The following TENM3 variants were observed in gnomAD, a reference collection of about 807,000 sequenced individuals.
TENM3 encodes teneurin-3.
In TENM3, 63 loss-of-function variants were observed where a neutral mutation model predicts 255.1. The ratio of observed to expected loss-of-function variants is 0.25; its 90% CI spans 0.20 to 0.30. TENM3 has a LOEUF of 0.30. Among genes scored for constraint, TENM3 ranks in the 10% least tolerant of loss-of-function variants. The probability of loss-of-function intolerance (pLI) is 1.00; values close to 1 mark genes in which losing one functional copy is unlikely to be tolerated. For synonymous variants in TENM3, 1,306 were observed against 1,322.3 expected (o/e 0.99, Z 0.27); for missense variants, 2,929 against 3,461.1 (o/e 0.85, Z 3.86).
the TENM3 span, among the ~76,000 whole-genome samples, chr4:181,981,110 A>G: frequency 2.6e-5 from 4 of 152,140 alleles, no homozygotes; most frequent in East Asian, 3.9e-4. Context: ...AACACTTTTA[A>G]TGTTCTCTTC....
At chr4:181,785,961 T>G in the TENM3 span, among the ~76,000 whole-genome samples, 2 of 152,112 alleles carry the variant, frequency 1.3e-5, no homozygotes, top group Non-Finnish European at 2.9e-5. Context: ...AATGAAACAA[T>G]GCCTGAATAT....
rs560482174 is a variant in TENM3 at position 182,182,417 on chromosome 4, T to C, written c.-76+37663T>C. Reference sequence around the variant, plus strand: ...TCAGGGTGATGAGGCACAGAAAATATGAAGGCAAGGATTTCTTGGTATCAG... The same window carrying C: ...TCAGGGTGATGAGGCACAGAAAATACGAAGGCAAGGATTTCTTGGTATCAG... On this transcript the variant is annotated intron_variant, in intron 1 of 2. Transcript: ENST00000512480. Among the ~76,000 whole-genome samples, 8 of 152,298 alleles carry C rather than the reference T, an allele frequency of 5.3e-5. No homozygotes were observed. In the East Asian group the frequency reaches 1.3e-3, roughly 26 times the overall value.
At chr4:181,592,193 A>C in the TENM3 span, among the ~76,000 whole-genome samples, 2 of 150,492 alleles carry the variant, frequency 1.3e-5, no homozygotes, top group African/African-American at 4.9e-5. Flanking sequence ...TGCCGATTAT[A>C]TGCTTTTAAA....
rs1766859979 is a variant in TENM3 at position 182,800,391 on chromosome 4, A to G, written c.*40A>G. 3.3e-6 allele frequency: 5 copies of G among 1,520,708 alleles called. No individual in the cohort carries two copies. Among genetic ancestry groups the G allele is most frequent in the African/African-American group, 2.8e-5 (2 of 72,230 alleles). The allele number at this position is 1,520,708 out of a possible 1,614,324, so 94.2% of individuals were successfully genotyped here. ...CCGCCGAGCCGCTCACGCCCTGCCCACATTGTCCTGTGGCACAACCCGAGT... is the reference window on the plus strand; with the variant it reads ...CCGCCGAGCCGCTCACGCCCTGCCCGCATTGTCCTGTGGCACAACCCGAGT... On this transcript the variant is annotated 3_prime_UTR_variant, in exon 28 of 28. Transcript: ENST00000511685.
the TENM3 span, among the ~76,000 whole-genome samples, chr4:181,598,211 C>T: frequency 6.6e-6 from 1 of 152,180 alleles, no homozygotes; most frequent in Non-Finnish European, 1.5e-5. Context: ...CTCTCTTCTC[C>T]GTTTACAACA....
chr4:182,436,779 A>C (rs1772080322), intron 3 of TENM3, among the ~76,000 whole-genome samples: 1 of 151,834 alleles, frequency 6.6e-6, no homozygotes, highest in Admixed American at 6.6e-5. Context: ...GCACTTTGGG[A>C]GGCCAAGGCG....
chr4:182,465,716 C>A (rs946100935), intron 3 of TENM3, among the ~76,000 whole-genome samples: 1 of 152,122 alleles, frequency 6.6e-6, no homozygotes, highest in African/African-American at 2.4e-5. Flanking sequence ...TTTCTGACAT[C>A]GGTGCTTTAT....
At chr4:181,527,525 C>T in the TENM3 span, among the ~76,000 whole-genome samples, 4 of 152,002 alleles carry the variant, frequency 2.6e-5, no homozygotes, top group East Asian at 1.9e-4. Flanking sequence ...CAAGCCACCA[C>T]GCCTGGCTAA....
chr4:181,952,111 A>C, the TENM3 span, among the ~76,000 whole-genome samples: 1 of 152,250 alleles, frequency 6.6e-6, no homozygotes, highest in Non-Finnish European at 1.5e-5. Flanking sequence ...GCAAGCTTTT[A>C]AACTCATAAA....
chr4:182,515,136 G>A (rs115925852), intron 3 of TENM3, among the ~76,000 whole-genome samples: 3,260 of 152,266 alleles, frequency 0.021, 115 homozygotes, highest in African/African-American at 0.073. Context: ...GTGTTCTGGG[G>A]GAGAATAGGT....
chr4:181,666,066 T>C, the TENM3 span, among the ~76,000 whole-genome samples: 2 of 152,182 alleles, frequency 1.3e-5, no homozygotes, highest in Non-Finnish European at 2.9e-5. Context: ...TTTGTTAATG[T>C]ATTCTCACTT....
At chr4:181,713,367 A>G in the TENM3 span, among the ~76,000 whole-genome samples, 1 of 152,224 alleles carries the variant, frequency 6.6e-6, no homozygotes, top group Non-Finnish European at 1.5e-5. Flanking sequence ...GGTCAAGAAC[A>G]AAGATATATG....
chr4:182,607,087 G>T (rs544574338), intron 4 of TENM3, among the ~76,000 whole-genome samples: 1 of 152,304 alleles, frequency 6.6e-6, no homozygotes, highest in African/African-American at 2.4e-5. Flanking sequence ...ATTTATAAGT[G>T]TGAAATGAAA....
the TENM3 span, among the ~76,000 whole-genome samples, chr4:181,620,228 T>C: frequency 0.4 from 60,421 of 151,718 alleles, 12,424 homozygotes; most frequent in Non-Finnish European, 0.45. Flanking sequence ...ACCACTGCAC[T>C]CTAGCCTGGG....
chr4:182,680,706 C>T lies in TENM3; in HGVS notation c.1803C>T (p.Asn601=), dbSNP rs369589600. ...GICIMGSCAC[N]SGYKGESCEE... ...GTATCATGGGCTCTTGTGCTTGCAA[C>T]TCAGGATACAAAGGAGAAAGTTGTG... is the stretch of plus-strand genomic sequence containing the variant. The change falls in exon 10 of 28, where the codon AAC becomes AAT. Residue 601 remains asparagine (N), a synonymous_variant. Coordinates refer to ENST00000511685, the MANE Select transcript of TENM3 (RefSeq NM_001080477.4). 88 of 1,582,154 alleles carry T rather than the reference C, an allele frequency of 5.6e-5. 3 individuals carry two copies. The South Asian group carries it at 9.7e-4, about 17-fold the overall frequency.
chr4:181,468,160 C>T, the TENM3 span, among the ~76,000 whole-genome samples: 9 of 141,392 alleles, frequency 6.4e-5, no homozygotes, highest in Non-Finnish European at 1.2e-4. Context: ...GGTGTGGTGG[C>T]GCATGCCTGC....
At chr4:182,096,555 A>T in the TENM3 span, among the ~76,000 whole-genome samples, 1 of 152,256 alleles carries the variant, frequency 6.6e-6, no homozygotes, top group Non-Finnish European at 1.5e-5. Context: ...ATGGACAATT[A>T]GCAGCAATGG....
chr4:182,195,033 A>T (rs1753754707), intron 1 of TENM3, among the ~76,000 whole-genome samples: 3 of 45,744 alleles, frequency 6.6e-5, no homozygotes, highest in East Asian at 6.6e-4. Context: ...TCACACACAC[A>T]CACACACACA....
At chr4:181,473,227 A>G in the TENM3 span, among the ~76,000 whole-genome samples, 7 of 152,068 alleles carry the variant, frequency 4.6e-5, no homozygotes, top group African/African-American at 1.7e-4. Context: ...CAAAGACAAG[A>G]CTCTATCAGC....
Sources: allele counts gnomAD v4.1 joint callset (sites outside exome capture counted in the v4.1 genomes callset), GRCh38; gene constraint gnomAD v4.1.1; transcripts MANE v1.5; gene names NCBI Gene and HGNC (gene_info 2026-07-23, HGNC 2026-07-21).